Variants in TDP1 observed in about 807,000 individuals in gnomAD.
TDP1 encodes the protein tyrosyl-DNA phosphodiesterase 1, also known as tyr-DNA phosphodiesterase 1.
Under a neutral mutation model 81.5 loss-of-function variants are expected in TDP1, and 64 were observed. That is an observed-to-expected ratio of 0.79 (90% CI 0.64 to 0.97). The LOEUF (loss-of-function observed/expected upper bound fraction) is 0.97. Among genes scored for constraint, TDP1 ranks in the 50% least tolerant of loss-of-function variants. TDP1 has a pLI of 0.00. For synonymous variants in TDP1, 256 were observed against 264.3 expected (o/e 0.97, Z 0.30); for missense variants, 723 against 743.8 (o/e 0.97, Z 0.33).
chr14:90,038,287 T>C lies in TDP1; in HGVS notation c.1754-4783T>C, dbSNP rs150767467. On this transcript the variant is annotated intron_variant, in intron 16 of 16. Transcript: ENST00000335725. ...TGATTGGCACATGAGGTATGCATAA[T>C]GTAGATTTAGCATATACATAATATA... Among the ~76,000 whole-genome samples, 339 of 152,362 alleles carry C rather than the reference T, an allele frequency of 2.2e-3. 2 individuals are homozygous for C. The highest frequency in any genetic ancestry group is 7.5e-3 in the African/African-American group (311 of 41,590).
intron 6 of TDP1, among the ~76,000 whole-genome samples, chr14:89,972,517 C>G (rs143462864): frequency 1.3e-5 from 2 of 149,576 alleles, no homozygotes; most frequent in Non-Finnish European, 2.9e-5. Context: ...TTATATATTC[C>G]CATAATTTTG....
At chr14:90,000,158 G>A (rs1242895861) in intron 14 of TDP1, among the ~76,000 whole-genome samples, 4 of 152,152 alleles carry the variant, frequency 2.6e-5, no homozygotes, top group African/African-American at 9.7e-5. Context: ...GGTGCTGCCC[G>A]TGGTGGTCTG....
rs558027685 is a variant in TDP1 at position 90,022,770 on chromosome 14, C to T, written c.1644+3352C>T. On this transcript the variant is annotated intron_variant, in intron 15 of 16. Coordinates refer to ENST00000335725, the MANE Select transcript of TDP1 (RefSeq NM_018319.4). ...AAAAAGTAGACCTTTGCTTGGCCTT[C>T]ACAAAATTAACATTGATGGTTTTGA... is the stretch of plus-strand genomic sequence containing the variant. 3.0e-6 allele frequency: 3 copies of T among 985,370 alleles called. No homozygotes were observed. The Admixed American group carries it at 1.8e-4, about 60-fold the overall frequency. 61.0% of individuals were successfully genotyped at this position (985,370 alleles called of 1,614,324 possible).
In TDP1 at chr14:89,975,935, A is replaced by G. The variant is rs866056196; in HGVS notation, c.791+120A>G. ...CCTAGGATCTAGCACAGCGATGCTT[A>G]ACTGAGCCTGGGGGAGCTATTCTTT... is the stretch of plus-strand genomic sequence containing the variant. On this transcript the variant is annotated intron_variant, in intron 7 of 16. Transcript: ENST00000335725. The G allele has an allele frequency of 9.8e-6, 8 of 814,558 alleles. No homozygotes were observed. The Middle Eastern group carries it at 1.8e-3, about 182-fold the overall frequency. 50.5% of individuals were successfully genotyped at this position (814,558 alleles called of 1,614,324 possible).
intron 3 of TDP1, 120 bp downstream of exon 3, chr14:89,963,793 T>G (rs1892615284): frequency 8.3e-7 from 1 of 1,208,862 alleles, no homozygotes; most frequent in African/African-American, 1.5e-5. Context: ...CTTAACTACT[T>G]TCAGGAAAAA....
At position 89,993,469 on chromosome 14, in the gene TDP1, G is replaced by A; in HGVS notation, c.1527G>A (p.Trp509Ter). The change falls in exon 14 of 17, where the codon TGG becomes TGA. Residue 509 changes from tryptophan (W) to a stop codon, truncating the protein, a stop_gained. Transcript: ENST00000335725. LOFTEE classifies it high-confidence loss of function. ...RPSPDFSKIA[W>*]FLVTSANLSK... ...CTCCAGACTTCAGTAAAATTGCTTG[G>A]TTCCTTGTCACAAGGTAAATAGTCC... 2 of 1,613,432 alleles carry A rather than the reference G, an allele frequency of 1.2e-6. No individual in the cohort carries two copies. Among genetic ancestry groups the A allele is most frequent in the Non-Finnish European group, 1.7e-6 (2 of 1,179,542 alleles).
intron 15 of TDP1, chr14:90,032,883 A>T: frequency 1.3e-5 from 13 of 982,856 alleles, no homozygotes; most frequent in Non-Finnish European, 1.6e-5. Context: ...ACTTTGCTAT[A>T]ACTTAATTCC....
chr14:89,995,357 C>A (rs1485197476), intron 14 of TDP1, among the ~76,000 whole-genome samples: 1 of 151,838 alleles, frequency 6.6e-6, no homozygotes, highest in African/African-American at 2.4e-5. Context: ...GTGATGGAAC[C>A]CAGATAGGAG....
chr14:90,035,263 G>A (rs769425430), intron 16 of TDP1, among the ~76,000 whole-genome samples: 27 of 152,126 alleles, frequency 1.8e-4, no homozygotes, highest in Non-Finnish European at 3.7e-4. Context: ...TGGTAACTTT[G>A]TATTTCTCTA....
intron 2 of TDP1, among the ~76,000 whole-genome samples, chr14:89,959,580 G>T (rs1278908158): frequency 6.6e-6 from 1 of 152,140 alleles, no homozygotes; most frequent in Non-Finnish European, 1.5e-5. Context: ...AGCAACTCAG[G>T]CATATTTTTG....
intron 6 of TDP1, among the ~76,000 whole-genome samples, chr14:89,972,587 T>C (rs1048052943): frequency 7.9e-5 from 12 of 152,226 alleles, no homozygotes; most frequent in Non-Finnish European, 1.8e-4. Flanking sequence ...TTCATTAGGA[T>C]CCATTTCTTT....
At chr14:90,037,752 A>G (rs1270356636) in intron 16 of TDP1, among the ~76,000 whole-genome samples, 11 of 152,236 alleles carry the variant, frequency 7.2e-5, no homozygotes, top group Non-Finnish European at 1.6e-4. Flanking sequence ...TAACTACAGT[A>G]CAGTGATCAA....
chr14:89,983,757 T>A (rs1247985287), intron 8 of TDP1, among the ~76,000 whole-genome samples: 1 of 152,196 alleles, frequency 6.6e-6, no homozygotes, highest in East Asian at 1.9e-4. Flanking sequence ...GGATTGGGAT[T>A]AGATATGATT....
At chr14:90,032,121 G>A (rs541025516) in intron 15 of TDP1, among the ~76,000 whole-genome samples, 59 of 152,154 alleles carry the variant, frequency 3.9e-4, no homozygotes, top group Admixed American at 3.6e-3. Context: ...TCGAATGAAC[G>A]AATGTGCAGA....
intron 15 of TDP1, among the ~76,000 whole-genome samples, chr14:90,020,228 C>A (rs1311652402): frequency 6.6e-6 from 1 of 152,146 alleles, no homozygotes; most frequent in Non-Finnish European, 1.5e-5. Flanking sequence ...GATATTCTCA[C>A]CATAAGAGGC....
intron 16 of TDP1, among the ~76,000 whole-genome samples, chr14:90,035,453 C>T (rs531085186): frequency 6.6e-6 from 1 of 150,466 alleles, no homozygotes; most frequent in African/African-American, 2.5e-5. Context: ...CAGGATCTTA[C>T]CTGCCACCAA....
intron 13 of TDP1, 132 bp downstream of exon 13, chr14:89,992,115 T>C (rs1269188835): frequency 1.4e-6 from 1 of 734,810 alleles, no homozygotes; most frequent in African/African-American, 1.8e-5. Flanking sequence ...CATATGTTAG[T>C]GATAGAAATA....
rs1201269066 is a variant in TDP1, at chr14:89,998,406, ATATATATATATATATATGTATG to A, written c.1541+4927_1541+4948del. Among the ~76,000 whole-genome samples, 13 of 107,632 alleles carry A rather than the reference ATATATATATATATATATGTATG, an allele frequency of 1.2e-4. No individual in the cohort carries two copies. The South Asian group carries it at 3.6e-3, about 30-fold the overall frequency. The allele number at this position is 107,632 out of a possible 152,430, so 70.6% of individuals were successfully genotyped here. ...TATATATATATATATATATATATAT[ATATATATATATATATATGTATG>A]TATGTATGTATGTATATGTATATGT... On this transcript the variant is annotated intron_variant, in intron 14 of 16. Coordinates refer to ENST00000335725, the MANE Select transcript of TDP1 (RefSeq NM_018319.4).
intron 5 of TDP1, among the ~76,000 whole-genome samples, chr14:89,967,870 C>T (rs1296934586): frequency 6.6e-6 from 1 of 152,148 alleles, no homozygotes; most frequent in East Asian, 1.9e-4. Flanking sequence ...CTTATCTAGG[C>T]TCTGGAGGTG....
Sources: gnomAD v4.1 joint callset for allele counts (sites outside exome capture counted in the v4.1 genomes callset) on GRCh38, gnomAD v4.1.1 for gene constraint, MANE v1.5 for transcripts, NCBI Gene and HGNC (gene_info 2026-07-23, HGNC 2026-07-21) for gene names.